RNF115: variants seen among roughly 807,000 people sequenced by gnomAD.
RNF115 encodes the protein E3 ubiquitin-protein ligase RNF115.
In RNF115, 31 loss-of-function variants were observed where a neutral mutation model predicts 39.2. The observed-to-expected ratio is 0.79, with a 90% CI of 0.59 to 1.07. The LOEUF (loss-of-function observed/expected upper bound fraction) is 1.07, where lower values mean the gene tolerates loss of function less well. RNF115 is among the 50% of genes least tolerant of loss of function. RNF115 has a pLI of 0.00. For synonymous variants in RNF115, 124 were observed against 131.0 expected, an observed-to-expected ratio of 0.95 and a Z score of 0.37; for missense variants, 384 against 381.7, an observed-to-expected ratio of 1.01 and a Z score of -0.05.
chr1:145,803,728 C>T (rs1386967083), intron 1 of RNF115, among the ~76,000 whole-genome samples: 1 of 152,212 alleles, frequency 6.6e-6, no homozygotes, highest in African/African-American at 2.4e-5. Flanking sequence ...CATGATTGAA[C>T]ACTGACATTA....
At chr1:145,784,473 G>A (rs1323129282) in intron 3 of RNF115, 66 bp downstream of exon 3, 4 of 1,371,882 alleles carry the variant, frequency 2.9e-6, no homozygotes, top group Non-Finnish European at 3.1e-6. Context: ...TGGAAAGTTA[G>A]TATCTGCCAT....
Position 145,743,800 on chromosome 1 carries a change from AAAT to A in RNF115, c.*3063_*3065del. Reference sequence around the variant, plus strand: ...CATCTCAAAAAATAAATAAATAAATAAATAAATAAATAAATAATAATAATAATA... The same window carrying A: ...CATCTCAAAAAATAAATAAATAAATAAAATAAATAAATAATAATAATAATA... On this transcript the variant is annotated 3_prime_UTR_variant, in exon 9 of 9. Coordinates refer to ENST00000582693, the MANE Select transcript of RNF115 (RefSeq NM_014455.4). 1 of 39,126 alleles carries A rather than the reference AAAT, an allele frequency of 2.6e-5. No individual in the cohort carries two copies. The highest frequency in any genetic ancestry group is 8.5e-4 in the East Asian group (1 of 1,182). 2.4% of individuals were successfully genotyped at this position (39,126 alleles called of 1,614,324 possible).
At chr1:145,781,927 A>C (rs1157128260) in intron 3 of RNF115, among the ~76,000 whole-genome samples, 2 of 143,184 alleles carry the variant, frequency 1.4e-5, no homozygotes, top group African/African-American at 5.2e-5. Flanking sequence ...TGGAGATAAG[A>C]GTTTCACTCT....
chr1:145,788,786 TCTCA>T (rs1438755736), intron 2 of RNF115, 118 bp downstream of exon 2: 6 of 770,844 alleles, frequency 7.8e-6, no homozygotes, highest in South Asian at 2.8e-5. Flanking sequence ...ACTCTCTCTC[TCTCA>T]CTCTCGCTCT....
chr1:145,815,621 AAC>A (rs758252958), intron 1 of RNF115, among the ~76,000 whole-genome samples: 5 of 151,656 alleles, frequency 3.3e-5, no homozygotes, highest in Non-Finnish European at 7.4e-5. Flanking sequence ...GTAGCACACT[AAC>A]TCCATTAGTC....
intron 1 of RNF115, among the ~76,000 whole-genome samples, chr1:145,811,904 A>AT (rs1470037394): frequency 5.2e-4 from 44 of 85,356 alleles, no homozygotes; most frequent in Non-Finnish European, 6.4e-4. Flanking sequence ...AAAAAAAAAA[A>AT]AAAAATATAT....
At chr1:145,769,606 C>A (rs1647542857) in intron 4 of RNF115, among the ~76,000 whole-genome samples, 1 of 151,998 alleles carries the variant, frequency 6.6e-6, no homozygotes, top group Admixed American at 6.6e-5. Flanking sequence ...TTGCATTAAA[C>A]CTTTAAATAA....
intron 1 of RNF115, among the ~76,000 whole-genome samples, chr1:145,792,446 G>C (rs1205184032): frequency 6.6e-6 from 1 of 151,952 alleles, no homozygotes; most frequent in Non-Finnish European, 1.5e-5. Context: ...TCCTCCCAAA[G>C]TGCTGGGATT....
At chr1:145,820,594 G>C (rs1650192137) in intron 1 of RNF115, among the ~76,000 whole-genome samples, 1 of 152,062 alleles carries the variant, frequency 6.6e-6, no homozygotes, top group Non-Finnish European at 1.5e-5. Context: ...AAATTAGCTG[G>C]GCATGGTGGC....
chr1:145,795,248 T>G (rs1308569819), intron 1 of RNF115, among the ~76,000 whole-genome samples: 1 of 152,044 alleles, frequency 6.6e-6, no homozygotes, highest in Non-Finnish European at 1.5e-5. Flanking sequence ...CCACAGACCC[T>G]CCAGGTGAGT....
At chr1:145,765,941 T>C (rs1291361113) in intron 4 of RNF115, among the ~76,000 whole-genome samples, 1 of 151,500 alleles carries the variant, frequency 6.6e-6, no homozygotes, top group African/African-American at 2.4e-5. Context: ...ACACTAATAA[T>C]CCCACAAAGG....
chr1:145,752,842 C>T, intron 5 of RNF115, 136 bp downstream of exon 5: 1 of 601,936 alleles, frequency 1.7e-6, no homozygotes, highest in East Asian at 2.9e-5. Flanking sequence ...CAGCCTCGGC[C>T]TCCCAAAGTG....
At chr1:145,793,842 CTTTTTTTTTTT>C (rs11304765) in intron 1 of RNF115, among the ~76,000 whole-genome samples, 1 of 135,798 alleles carries the variant, frequency 7.4e-6, no homozygotes, top group African/African-American at 2.7e-5. Flanking sequence ...TACCCTCTTT[CTTTTTTTTTTT>C]TTTTTTTTGA....
chr1:145,787,049 CT>C, intron 2 of RNF115: 1 of 1,278,306 alleles, frequency 7.8e-7, no homozygotes, highest in Non-Finnish European at 1.0e-6. Flanking sequence ...TGGAAGGGAC[CT>C]TCAACTTTAG....
At chr1:145,760,131 G>A (rs1658444102) in intron 4 of RNF115, among the ~76,000 whole-genome samples, 1 of 152,138 alleles carries the variant, frequency 6.6e-6, no homozygotes, top group Non-Finnish European at 1.5e-5. Context: ...AATGTCTGCT[G>A]AATAAATTAA....
intron 1 of RNF115, among the ~76,000 whole-genome samples, chr1:145,795,705 T>C (rs1344911583): frequency 2.0e-5 from 3 of 152,258 alleles, no homozygotes; most frequent in East Asian, 1.9e-4. Flanking sequence ...AATCAAACTG[T>C]AGAAGTGCTC....
chr1:145,759,690 T>A (rs1030002887), intron 4 of RNF115, among the ~76,000 whole-genome samples: 1 of 152,178 alleles, frequency 6.6e-6, no homozygotes, highest in East Asian at 1.9e-4. Flanking sequence ...GTTAGAGCAA[T>A]CATTTCAAGA....
intron 1 of RNF115, among the ~76,000 whole-genome samples, chr1:145,818,539 A>T (rs1209447317): frequency 5.7e-5 from 8 of 140,032 alleles, no homozygotes; most frequent in African/African-American, 1.6e-4. Flanking sequence ...TTGTTCCTGA[A>T]TGACTTTTCA....
chr1:145,783,527 A>C (rs1553717734), intron 3 of RNF115, among the ~76,000 whole-genome samples: 2 of 152,218 alleles, frequency 1.3e-5, no homozygotes, highest in African/African-American at 4.8e-5. Context: ...AAACAGTGAA[A>C]TATTTTGCTA....
Sources: gnomAD v4.1 joint callset for allele counts (sites outside exome capture counted in the v4.1 genomes callset) on GRCh38, gnomAD v4.1.1 for gene constraint, MANE v1.5 for transcripts, NCBI Gene and HGNC (gene_info 2026-07-23, HGNC 2026-07-21) for gene names.